OTOGL: variants seen among roughly 807,000 people sequenced by gnomAD.
OTOGL encodes the protein otogelin like.
OTOGL carries 285 observed loss-of-function variants against 318.5 expected under a neutral mutation model. That is an observed-to-expected ratio of 0.89 (90% CI 0.81 to 0.99). The LOEUF (loss-of-function observed/expected upper bound fraction) is 0.99. Ranked by LOEUF, OTOGL falls within the 50% of genes least tolerant of loss-of-function variation. The pLI is 0.00. For synonymous variants in OTOGL, 987 were observed against 936.5 expected (o/e 1.05, Z -0.99); for missense variants, 2,899 against 2,845.6 (o/e 1.02, Z -0.43).
At chr12:80,343,524 T>TTTTTC (rs1888952591) in intron 44 of OTOGL, 1 of 133,208 alleles carries the variant, frequency 7.5e-6, no homozygotes, top group Admixed American at 7.6e-5. Context: ...TTTTTTTTTT[T>TTTTTC]TTTTTTTTTT....
chr12:80,111,404 T>A (rs1565864197), intron 1 of OTOGL, among the ~76,000 whole-genome samples: 1 of 152,118 alleles, frequency 6.6e-6, no homozygotes. Context: ...ATCTTTTTTC[T>A]GGCTTGAGTT....
Position 80,142,052 on chromosome 12 carries a change from T to A in OTOGL, c.-20+42447T>A, listed in dbSNP as rs1158939391. On this transcript the variant is annotated intron_variant, in intron 1 of 58. Transcript: ENST00000547103. The stretch of plus-strand genomic sequence containing the variant: ...GGAGGGAGCTGTATTGCTTGCTTAG[T>A]GTACCAAATGGGAGAACTTTTGAGT... 3.3e-5 allele frequency among the ~76,000 whole-genome samples: 5 copies of A among 152,054 alleles called. No individual in the cohort carries two copies. In the East Asian group the frequency reaches 9.7e-4, roughly 29 times the overall value.
At chr12:80,362,335 C>T (rs542463736) in intron 52 of OTOGL, among the ~76,000 whole-genome samples, 1 of 152,062 alleles carries the variant, frequency 6.6e-6, no homozygotes, top group Non-Finnish European at 1.5e-5. Flanking sequence ...TTTTATTGGT[C>T]TATGTGTCTG....
At chr12:80,377,530 G>A (rs1891233375) in intron 58 of OTOGL, among the ~76,000 whole-genome samples, 1 of 152,088 alleles carries the variant, frequency 6.6e-6, no homozygotes, top group Non-Finnish European at 1.5e-5. Context: ...ATGACCTGCA[G>A]TGTGCTTGAG....
intron 1 of OTOGL, among the ~76,000 whole-genome samples, chr12:80,121,362 C>T (rs1870477380): frequency 6.6e-6 from 1 of 152,156 alleles, no homozygotes; most frequent in Non-Finnish European, 1.5e-5. Context: ...CAGACCGTTG[C>T]CTCCTCAGCT....
chr12:80,244,417 C>G (rs1170186892), intron 11 of OTOGL, among the ~76,000 whole-genome samples: 14 of 147,206 alleles, frequency 9.5e-5, no homozygotes, highest in East Asian at 4.1e-4. Flanking sequence ...GAGAATATGC[C>G]GTGTTTGGTT....
At chr12:80,358,941 A>T (rs1030613998) in intron 52 of OTOGL, 41 bp downstream of exon 52, 8 of 1,387,000 alleles carry the variant, frequency 5.8e-6, no homozygotes, top group Non-Finnish European at 7.8e-6. Context: ...TATTTATTTA[A>T]ATCTGTTTAT....
At chr12:80,230,781 T>G (rs1879291946) in intron 8 of OTOGL, among the ~76,000 whole-genome samples, 1 of 152,214 alleles carries the variant, frequency 6.6e-6, no homozygotes, top group Non-Finnish European at 1.5e-5. Flanking sequence ...GCTTTACTTC[T>G]CTGGATTTCA....
chr12:80,185,304 A>G (rs1347591404), intron 1 of OTOGL, among the ~76,000 whole-genome samples: 3 of 151,872 alleles, frequency 2.0e-5, no homozygotes, highest in Non-Finnish European at 4.4e-5. Flanking sequence ...TTTTTTTGAG[A>G]AGGAGTCTCC....
intron 8 of OTOGL, 48 bp downstream of exon 8, chr12:80,229,426 G>A: frequency 1.3e-6 from 2 of 1,549,078 alleles, no homozygotes; most frequent in Non-Finnish European, 1.8e-6. Context: ...CAAATTAATA[G>A]AATTTCCAAA....
chr12:80,250,604 T>C (rs1881452831), intron 11 of OTOGL, among the ~76,000 whole-genome samples: 1 of 152,156 alleles, frequency 6.6e-6, no homozygotes, highest in South Asian at 2.1e-4. Flanking sequence ...TCTGAGCCTC[T>C]AGAGTTTATA....
At position 80,378,078 on chromosome 12, in the gene OTOGL, A is replaced by T. The variant is rs1448618232; in HGVS notation, c.*30A>T. ...TTGGGTTCCAAGAGCTCTATACAACATCATAACGTCAGATAGAATTAACTT... is the reference window on the plus strand; with the variant it reads ...TTGGGTTCCAAGAGCTCTATACAACTTCATAACGTCAGATAGAATTAACTT... On this transcript the variant is annotated 3_prime_UTR_variant, in exon 59 of 59. Transcript: ENST00000547103. 1 of 1,458,342 alleles carries T rather than the reference A, an allele frequency of 6.9e-7. No individual in the cohort carries two copies. Among genetic ancestry groups the T allele is most frequent in the Non-Finnish European group, 9.4e-7 (1 of 1,067,780 alleles). The allele number at this position is 1,458,342 out of a possible 1,614,324, so 90.3% of individuals were successfully genotyped here. A position where few individuals can be genotyped will look rare whatever the true frequency, so the allele number is the denominator to read the frequency against.
chr12:80,189,834 A>G (rs1875549872), intron 1 of OTOGL, among the ~76,000 whole-genome samples: 1 of 152,144 alleles, frequency 6.6e-6, no homozygotes, highest in South Asian at 2.1e-4. Context: ...ATTTGAAGTG[A>G]AACCAAGAAA....
intron 29 of OTOGL, among the ~76,000 whole-genome samples, chr12:80,306,607 C>T (rs886697134): frequency 6.6e-6 from 1 of 151,870 alleles, no homozygotes; most frequent in South Asian, 2.1e-4. Flanking sequence ...GTGGTCTAAG[C>T]TTAAGAGTAT....
At chr12:80,261,400 G>A (rs1171335572) in intron 18 of OTOGL, among the ~76,000 whole-genome samples, 1 of 151,956 alleles carries the variant, frequency 6.6e-6, no homozygotes, top group East Asian at 1.9e-4. Context: ...TAAGATAGAT[G>A]TTTTTCATTT....
intron 27 of OTOGL, 63 bp downstream of exon 27, chr12:80,297,024 G>A: frequency 7.4e-7 from 1 of 1,356,408 alleles, no homozygotes. Flanking sequence ...AAATAGAATA[G>A]AAATGATTTG....
intron 1 of OTOGL, among the ~76,000 whole-genome samples, chr12:80,101,410 C>T (rs774287647): frequency 1.4e-4 from 22 of 152,210 alleles, no homozygotes; most frequent in Non-Finnish European, 8.8e-5. Context: ...TTCTCCTGAA[C>T]ATCCTCCTTT....
chr12:80,190,791 A>G, intron 1 of OTOGL, among the ~76,000 whole-genome samples: 1 of 46,574 alleles, frequency 2.1e-5, no homozygotes, highest in African/African-American at 3.9e-5. Flanking sequence ...CGTCTCAAAA[A>G]AAAAAAAAAA....
chr12:80,232,584 A>G lies in OTOGL; in HGVS notation c.612-308A>G, dbSNP rs112082212. ...TAGGCAAGGTTATTTTCCAGGTTTA[A>G]CAAATCACCAGTATTTAGCAGCTGT... On this transcript the variant is annotated intron_variant, in intron 8 of 58. Transcript: ENST00000547103. Among the ~76,000 whole-genome samples the G allele has an allele frequency of 7.1e-3, 1,084 of 152,332 alleles. 17 individuals are homozygous for G. The highest frequency in any genetic ancestry group is 0.025 in the African/African-American group (1,035 of 41,572).
Sources: allele counts gnomAD v4.1 joint callset (sites outside exome capture counted in the v4.1 genomes callset), GRCh38; gene constraint gnomAD v4.1.1; transcripts MANE v1.5; gene names NCBI Gene and HGNC (gene_info 2026-07-23, HGNC 2026-07-21).